HTR4: variants seen among roughly 807,000 people sequenced by gnomAD.
HTR4 encodes the protein 5-hydroxytryptamine (serotonin) receptor 4, G protein-coupled.
In HTR4, 16 loss-of-function variants were observed where a neutral mutation model predicts 36.8. The ratio of observed to expected loss-of-function variants is 0.43; its 90% confidence interval spans 0.29 to 0.66. HTR4 has a LOEUF of 0.66. HTR4 is among the 30% of genes least tolerant of loss of function. HTR4 has a pLI of 0.13. For synonymous variants in HTR4, 189 were observed against 185.1 expected (o/e 1.02, Z -0.17); for missense variants, 438 against 490.9 (o/e 0.89, Z 1.02).
chr5:148,508,682 A>T (rs918541106), intron 6 of HTR4, among the ~76,000 whole-genome samples: 2 of 152,140 alleles, frequency 1.3e-5, no homozygotes, highest in Non-Finnish European at 2.9e-5. Context: ...TAGATTGCCC[A>T]TACATCCATT....
At chr5:148,528,081 G>A (rs1349510676) in intron 4 of HTR4, among the ~76,000 whole-genome samples, 1 of 152,142 alleles carries the variant, frequency 6.6e-6, no homozygotes, top group Non-Finnish European at 1.5e-5. Context: ...GGTTAGGCAA[G>A]GGTGGGAAGA....
intron 2 of HTR4, among the ~76,000 whole-genome samples, chr5:148,606,486 T>C (rs1752168821): frequency 6.6e-6 from 1 of 152,190 alleles, no homozygotes; most frequent in African/African-American, 2.4e-5. Context: ...TTAAATTGTA[T>C]TTACTAGCTC....
intron 4 of HTR4, among the ~76,000 whole-genome samples, chr5:148,546,429 A>G (rs990359054): frequency 6.6e-6 from 1 of 152,298 alleles, no homozygotes; most frequent in African/African-American, 2.4e-5. Flanking sequence ...TTGAACCCAA[A>G]TCTCTTCAAT....
chr5:148,522,624 C>T (rs1315285749), intron 5 of HTR4, among the ~76,000 whole-genome samples: 1 of 152,130 alleles, frequency 6.6e-6, no homozygotes, highest in Non-Finnish European at 1.5e-5. Context: ...TCAGGACTAT[C>T]AACATAGGTT....
intron 1 of HTR4, among the ~76,000 whole-genome samples, chr5:148,638,581 A>T (rs1581578433): frequency 6.6e-6 from 1 of 152,170 alleles, no homozygotes; most frequent in Non-Finnish European, 1.5e-5. Context: ...CTCAAGATGG[A>T]TGATTAAAAA....
chr5:148,456,476 A>G (rs911560416), intron 5 of HTR4, among the ~76,000 whole-genome samples: 1 of 152,206 alleles, frequency 6.6e-6, no homozygotes, highest in Non-Finnish European at 1.5e-5. Context: ...GAGAAAAGAA[A>G]GCACAGGGTA....
chr5:148,479,587 AACT>A (rs1215676227), downstream of HTR4, among the ~76,000 whole-genome samples: 5 of 152,174 alleles, frequency 3.3e-5, no homozygotes, highest in Admixed American at 1.3e-4. Context: ...CATTTCTGGG[AACT>A]GCATCAAAAA....
intron 2 of HTR4, among the ~76,000 whole-genome samples, chr5:148,589,148 A>G (rs952451549): frequency 1.3e-5 from 2 of 152,222 alleles, no homozygotes; most frequent in African/African-American, 4.8e-5. Flanking sequence ...AGCAATCTGC[A>G]ATAAACATAC....
intron 2 of HTR4, among the ~76,000 whole-genome samples, chr5:148,618,628 C>T (rs1379671692): frequency 6.7e-6 from 1 of 149,520 alleles, no homozygotes; most frequent in African/African-American, 2.5e-5. Context: ...GTGCTAAGCT[C>T]CAAGGTATTC....
At chr5:148,504,132 C>T (rs1441778639) in intron 6 of HTR4, among the ~76,000 whole-genome samples, 2 of 152,218 alleles carry the variant, frequency 1.3e-5, no homozygotes, top group Non-Finnish European at 2.9e-5. Flanking sequence ...CTCAGCTCTG[C>T]ATCAAGCAGA....
chr5:148,463,165 CTTTTTTTTTTTTTTTT>C (rs71001490), intron 5 of HTR4, among the ~76,000 whole-genome samples: 7 of 64,152 alleles, frequency 1.1e-4, no homozygotes, highest in Admixed American at 2.6e-4. Flanking sequence ...CTTTTTTTTT[CTTTTTTTTTTTTTTTT>C]TTTTTTTTTG....
chr5:148,522,497 C>T (rs1293101832), intron 5 of HTR4, among the ~76,000 whole-genome samples: 1 of 152,064 alleles, frequency 6.6e-6, no homozygotes, highest in Non-Finnish European at 1.5e-5. Flanking sequence ...CTATACTTTC[C>T]CCATAATGAG....
intron 2 of HTR4, among the ~76,000 whole-genome samples, chr5:148,587,401 T>G (rs1761386932): frequency 6.6e-6 from 1 of 152,166 alleles, no homozygotes; most frequent in Admixed American, 6.5e-5. Flanking sequence ...TTAGACTTGG[T>G]GACCAAAGTG....
chr5:148,568,807 T>C (rs1760558508), intron 2 of HTR4, among the ~76,000 whole-genome samples: 1 of 152,124 alleles, frequency 6.6e-6, no homozygotes, highest in African/African-American at 2.4e-5. Context: ...TCTAGGGAAA[T>C]GCCCCAACAC....
chr5:148,477,149 G>A (rs530029538), downstream of HTR4, among the ~76,000 whole-genome samples: 23 of 152,322 alleles, frequency 1.5e-4, no homozygotes, highest in South Asian at 4.4e-3. Flanking sequence ...GATAATGTCA[G>A]TTGTAGAAAG....
intron 2 of HTR4, among the ~76,000 whole-genome samples, chr5:148,590,411 C>G (rs1417772640): frequency 1.6e-4 from 24 of 148,882 alleles, no homozygotes; most frequent in Admixed American, 1.5e-3. Context: ...GATTCCCTGC[C>G]TCAGCCTCCC....
intron 2 of HTR4, among the ~76,000 whole-genome samples, chr5:148,608,958 A>G (rs1752293273): frequency 6.6e-6 from 1 of 152,192 alleles, no homozygotes; most frequent in African/African-American, 2.4e-5. Flanking sequence ...TACATATTCT[A>G]TCAGGAGTGT....
chr5:148,544,443 C>T (rs954115594), intron 4 of HTR4, among the ~76,000 whole-genome samples: 1 of 151,998 alleles, frequency 6.6e-6, no homozygotes, highest in Non-Finnish European at 1.5e-5. Flanking sequence ...TTTTTTCCCC[C>T]AACATAATAC....
At chr5:148,530,212 C>T (rs1191415515) in intron 4 of HTR4, among the ~76,000 whole-genome samples, 1 of 152,126 alleles carries the variant, frequency 6.6e-6, no homozygotes, top group Non-Finnish European at 1.5e-5. Flanking sequence ...CCATAAGTAA[C>T]AAGAAGCTGA....
Sources: allele counts gnomAD v4.1 joint callset (sites outside exome capture counted in the v4.1 genomes callset), GRCh38; gene constraint gnomAD v4.1.1; transcripts MANE v1.5; gene names NCBI Gene and HGNC (gene_info 2026-07-23, HGNC 2026-07-21).